Variants in TENM2 observed in about 807,000 individuals in gnomAD.
The protein encoded by TENM2 is teneurin-2.
Under a neutral mutation model 245.2 loss-of-function variants are expected in TENM2, and 52 were observed. The observed-to-expected ratio is 0.21, with a 90% CI of 0.17 to 0.27. The LOEUF (loss-of-function observed/expected upper bound fraction) is 0.27, where lower values mean the gene tolerates loss of function less well. Ranked by LOEUF, TENM2 falls within the 10% of genes least tolerant of loss-of-function variation. The pLI is 1.00. For synonymous variants in TENM2, 1,363 were observed against 1,438.9 expected (o/e 0.95, Z 1.19); for missense variants, 3,046 against 3,666.8 (o/e 0.83, Z 4.37).
intron 2 of TENM2, among the ~76,000 whole-genome samples, chr5:167,475,968 C>T (rs914649013): frequency 6.6e-5 from 10 of 152,078 alleles, no homozygotes; most frequent in Admixed American, 3.3e-4. Flanking sequence ...CATGTACATG[C>T]GTCTTTATAG....
intron 13 of TENM2, among the ~76,000 whole-genome samples, chr5:168,175,057 G>C (rs899935795): frequency 4.0e-4 from 61 of 152,296 alleles, no homozygotes; most frequent in African/African-American, 1.4e-3. Context: ...GACGGACCTA[G>C]CTGTACATTC....
At chr5:168,162,576 T>TA (rs1757845824) in intron 12 of TENM2, 35 bp from the exon 15 acceptor site, 1 of 1,606,812 alleles carries the variant, frequency 6.2e-7, no homozygotes, top group African/African-American at 1.3e-5. Context: ...CGGCCTCACG[T>TA]CCCTCCTTCT....
At chr5:168,100,156 A>G (rs924598336) in intron 9 of TENM2, among the ~76,000 whole-genome samples, 2 of 152,222 alleles carry the variant, frequency 1.3e-5, no homozygotes, top group African/African-American at 2.4e-5. Flanking sequence ...CAAATATACA[A>G]TCACGTCATC....
At chr5:168,022,855 A>C (rs1045986204) in intron 5 of TENM2, among the ~76,000 whole-genome samples, 1 of 152,182 alleles carries the variant, frequency 6.6e-6, no homozygotes, top group African/African-American at 2.4e-5. Flanking sequence ...ACTCAGGGGC[A>C]GCCGTGTCTC....
intron 9 of TENM2, among the ~76,000 whole-genome samples, chr5:168,111,810 C>G (rs994801082): frequency 6.6e-6 from 1 of 152,126 alleles, no homozygotes; most frequent in Non-Finnish European, 1.5e-5. Context: ...AAAAATATTT[C>G]TCATTATCAT....
At chr5:167,478,621 T>C (rs1189082452) in intron 2 of TENM2, among the ~76,000 whole-genome samples, 1 of 152,234 alleles carries the variant, frequency 6.6e-6, no homozygotes, top group African/African-American at 2.4e-5. Flanking sequence ...ATATTGGACT[T>C]ATTTTAATGA....
chr5:168,201,997 G>A (rs1761977798), intron 17 of TENM2, among the ~76,000 whole-genome samples: 1 of 152,044 alleles, frequency 6.6e-6, no homozygotes, highest in Admixed American at 6.6e-5. Context: ...TTGATTTTTT[G>A]TTTTGGCAGA....
chr5:167,920,220 G>T (rs567364908), intron 3 of TENM2, among the ~76,000 whole-genome samples: 1 of 151,716 alleles, frequency 6.6e-6, no homozygotes, highest in Non-Finnish European at 1.5e-5. Context: ...GGCCAGGCGC[G>T]GTGGCTCACA....
At chr5:167,603,902 G>A (rs1776833011) in intron 2 of TENM2, among the ~76,000 whole-genome samples, 1 of 152,114 alleles carries the variant, frequency 6.6e-6, no homozygotes, top group Non-Finnish European at 1.5e-5. Context: ...TTTTCATTAA[G>A]CACCTCATTT....
At position 168,102,131 on chromosome 5, in the gene TENM2, T is replaced by C. The variant is rs1223911290; in HGVS notation, c.1813+4004T>C. Among the ~76,000 whole-genome samples the C allele has an allele frequency of 5.3e-5, 8 of 152,274 alleles. 1 individual carries two copies. Among genetic ancestry groups the C allele is most frequent in the South Asian group, 4.1e-4 (2 of 4,828 alleles). On this transcript the variant is annotated intron_variant, in intron 9 of 28. Transcript: ENST00000518659. ...TTTTGTTGCCCAGGCTGGAGTGTAA[T>C]GGTGCAATCTCGGCTCACCGCAACC...
the TENM2 span, among the ~76,000 whole-genome samples, chr5:167,265,202 G>A: frequency 6.6e-6 from 1 of 151,462 alleles, no homozygotes; most frequent in African/African-American, 2.4e-5. Flanking sequence ...GCATAGTGGT[G>A]GGCACCTGTA....
At chr5:167,172,093 T>C in the TENM2 span, among the ~76,000 whole-genome samples, 1 of 152,180 alleles carries the variant, frequency 6.6e-6, no homozygotes, top group African/African-American at 2.4e-5. Flanking sequence ...CCATCGTGTC[T>C]TCTCCAAACA....
chr5:167,757,278 T>A (rs1762370939), intron 2 of TENM2, among the ~76,000 whole-genome samples: 1 of 151,574 alleles, frequency 6.6e-6, no homozygotes, highest in Admixed American at 6.6e-5. Context: ...TATGTGGTGT[T>A]CCCCTCCCTG....
At chr5:168,208,477 A>G (rs867477093) in intron 19 of TENM2, among the ~76,000 whole-genome samples, 36 of 152,322 alleles carry the variant, frequency 2.4e-4, no homozygotes, top group Admixed American at 2.0e-3. Context: ...GAGCCTGGGA[A>G]GGCGGGCAAA....
chr5:167,041,779 C>A, the TENM2 span, among the ~76,000 whole-genome samples: 1 of 152,098 alleles, frequency 6.6e-6, no homozygotes, highest in Non-Finnish European at 1.5e-5. Flanking sequence ...TTGTTCTTCA[C>A]TGAAATGGAA....
In TENM2 at chr5:167,459,637, G is replaced by A. The variant is rs2127489951; in HGVS notation, c.502+84164G>A. 1.3e-5 allele frequency among the ~76,000 whole-genome samples: 2 copies of A among 152,180 alleles called. 1 individual carries two copies. Among genetic ancestry groups the A allele is most frequent in the East Asian group, 3.9e-4 (2 of 5,180 alleles). ...ACCATTTTCCATACCCATCAACAGT[G>A]CATAAGCATGCCAATATCTCCACAT... On this transcript the variant is annotated intron_variant, in intron 2 of 28. Coordinates refer to ENST00000518659, the Ensembl canonical transcript of TENM2.
chr5:168,023,687 G>A (rs1380316121), intron 5 of TENM2, among the ~76,000 whole-genome samples: 1 of 152,220 alleles, frequency 6.6e-6, no homozygotes, highest in African/African-American at 2.4e-5. Flanking sequence ...ACGTAGGTGG[G>A]TTTAATTAAA....
At chr5:167,762,172 C>T (rs1762719397) in intron 2 of TENM2, among the ~76,000 whole-genome samples, 1 of 152,180 alleles carries the variant, frequency 6.6e-6, no homozygotes, top group African/African-American at 2.4e-5. Context: ...CATATAAACA[C>T]ACACGTGCAC....
At chr5:168,132,117 T>C (rs1208896112) in intron 12 of TENM2, among the ~76,000 whole-genome samples, 1 of 150,584 alleles carries the variant, frequency 6.6e-6, no homozygotes, top group East Asian at 2.0e-4. Context: ...TGAGTCTGGG[T>C]CAGACAGTCT....
Sources: gnomAD v4.1 joint callset for allele counts (sites outside exome capture counted in the v4.1 genomes callset) on GRCh38, gnomAD v4.1.1 for gene constraint, MANE v1.5 for transcripts, NCBI Gene and HGNC (gene_info 2026-07-23, HGNC 2026-07-21) for gene names.